Variants in NXPH1 observed in about 807,000 individuals in gnomAD.
NXPH1 encodes the protein neurexophilin 1.
In NXPH1, 5 loss-of-function variants were observed where a neutral mutation model predicts 23.7. The ratio of observed to expected loss-of-function variants is 0.21; its 90% CI spans 0.11 to 0.44. The LOEUF (loss-of-function observed/expected upper bound fraction) is 0.44, where lower values mean the gene tolerates loss of function less well. Among genes scored for constraint, NXPH1 ranks in the 20% least tolerant of loss-of-function variants. The pLI, the probability that NXPH1 is intolerant of heterozygous loss-of-function variation, is 0.99. For missense variants in NXPH1, 324 were observed against 321.6 expected (o/e 1.01, Z -0.06); for synonymous variants, 144 against 122.2 (o/e 1.18, Z -1.18).
intron 2 of NXPH1, among the ~76,000 whole-genome samples, chr7:8,462,368 T>C (rs1475902479): frequency 6.6e-6 from 1 of 152,240 alleles, no homozygotes; most frequent in African/African-American, 2.4e-5. Context: ...TTTATAAATA[T>C]TTTATGTATT....
intron 2 of NXPH1, among the ~76,000 whole-genome samples, chr7:8,469,007 A>C (rs999186577): frequency 7.9e-5 from 12 of 152,190 alleles, no homozygotes; most frequent in African/African-American, 2.9e-4. Flanking sequence ...TTTTTAACTG[A>C]ATGCTCATGT....
At chr7:8,664,210 CT>C in intron 2 of NXPH1, among the ~76,000 whole-genome samples, 1 of 152,182 alleles carries the variant, frequency 6.6e-6, no homozygotes, top group East Asian at 1.9e-4. Flanking sequence ...AGTGCTTTCT[CT>C]TTCATTTTTA....
chr7:8,638,454 T>C (rs1425367072), intron 2 of NXPH1, among the ~76,000 whole-genome samples: 2 of 152,182 alleles, frequency 1.3e-5, no homozygotes, highest in African/African-American at 4.8e-5. Context: ...CATTCAAATA[T>C]ACCAGTAAAC....
intron 2 of NXPH1, among the ~76,000 whole-genome samples, chr7:8,472,009 AAAT>A (rs1261243959): frequency 6.6e-6 from 1 of 151,662 alleles, no homozygotes; most frequent in Admixed American, 6.6e-5. Context: ...TTTAAAATAT[AAAT>A]AATATTATTT....
chr7:8,586,780 T>C (rs1818989511), intron 2 of NXPH1, among the ~76,000 whole-genome samples: 1 of 152,110 alleles, frequency 6.6e-6, no homozygotes, highest in Non-Finnish European at 1.5e-5. Context: ...TTTCTTTGTG[T>C]TGGTTTTCTG....
chr7:8,514,673 T>G (rs190065801), intron 2 of NXPH1, among the ~76,000 whole-genome samples: 55 of 152,246 alleles, frequency 3.6e-4, no homozygotes, highest in Non-Finnish European at 6.6e-4. Context: ...GACTCTTAGC[T>G]TGTGAGATAA....
At chr7:8,668,513 C>A (rs552048280) in intron 2 of NXPH1, among the ~76,000 whole-genome samples, 1 of 152,216 alleles carries the variant, frequency 6.6e-6, no homozygotes, top group African/African-American at 2.4e-5. Context: ...TGGGATTGGG[C>A]CTGAATCCTG....
chr7:8,625,958 A>G (rs974344258), intron 2 of NXPH1, among the ~76,000 whole-genome samples: 1 of 152,174 alleles, frequency 6.6e-6, no homozygotes, highest in African/African-American at 2.4e-5. Context: ...ATGACCTTCA[A>G]TTAGTTATAT....
At chr7:8,723,120 C>T (rs547047993) in intron 2 of NXPH1, among the ~76,000 whole-genome samples, 25 of 152,096 alleles carry the variant, frequency 1.6e-4, no homozygotes, top group Non-Finnish European at 2.9e-4. Flanking sequence ...GTGTTTGCTT[C>T]GCATTTTAAA....
chr7:8,579,285 C>T (rs941424575), intron 2 of NXPH1, among the ~76,000 whole-genome samples: 10 of 152,030 alleles, frequency 6.6e-5, no homozygotes, highest in Non-Finnish European at 8.8e-5. Context: ...ACAAGACTTA[C>T]CTAAAATTAT....
At chr7:8,540,674 G>GTAATT (rs1818101677) in intron 2 of NXPH1, among the ~76,000 whole-genome samples, 1 of 151,680 alleles carries the variant, frequency 6.6e-6, no homozygotes, top group African/African-American at 2.4e-5. Flanking sequence ...TCAATTCAGT[G>GTAATT]GAATAATAAT....
chr7:8,536,364 T>C (rs10237485), intron 2 of NXPH1, among the ~76,000 whole-genome samples: 11,758 of 152,006 alleles, frequency 0.077, 1,168 homozygotes, highest in African/African-American at 0.22. Flanking sequence ...CTTTAGAACA[T>C]TTCTGTTTTT....
chr7:8,698,061 C>G (rs1779563238), intron 2 of NXPH1, among the ~76,000 whole-genome samples: 2 of 152,054 alleles, frequency 1.3e-5, no homozygotes, highest in Non-Finnish European at 2.9e-5. Context: ...TATGAAGAAC[C>G]AACGGGGAAA....
At chr7:8,548,296 T>G (rs1818225898) in intron 2 of NXPH1, among the ~76,000 whole-genome samples, 1 of 151,548 alleles carries the variant, frequency 6.6e-6, no homozygotes, top group Non-Finnish European at 1.5e-5. Flanking sequence ...GTCACTTGGT[T>G]TCCATGTTGG....
intron 2 of NXPH1, among the ~76,000 whole-genome samples, chr7:8,457,112 AT>A (rs1464544135): frequency 6.6e-6 from 1 of 152,182 alleles, no homozygotes; most frequent in Non-Finnish European, 1.5e-5. Flanking sequence ...CCATTTTAAA[AT>A]GGCTTTTAAG....
intron 2 of NXPH1, among the ~76,000 whole-genome samples, chr7:8,613,612 C>G (rs925337666): frequency 6.6e-6 from 1 of 151,912 alleles, no homozygotes; most frequent in African/African-American, 2.4e-5. Flanking sequence ...AAAAAGGGAC[C>G]AGCAACCATT....
chr7:8,599,735 C>G (rs1819311795), intron 2 of NXPH1, among the ~76,000 whole-genome samples: 1 of 151,824 alleles, frequency 6.6e-6, no homozygotes, highest in Non-Finnish European at 1.5e-5. Flanking sequence ...AGCCAGTAAA[C>G]AGCACCATTA....
chr7:8,614,702 A>C (rs1348321715), intron 2 of NXPH1, among the ~76,000 whole-genome samples: 2 of 152,032 alleles, frequency 1.3e-5, no homozygotes, highest in Non-Finnish European at 2.9e-5. Context: ...TTAAATGATA[A>C]AAGTTGCCAT....
chr7:8,604,073 TAAAA>T (rs201582885), intron 2 of NXPH1, among the ~76,000 whole-genome samples: 1 of 149,258 alleles, frequency 6.7e-6, no homozygotes, highest in East Asian at 2.0e-4. Context: ...AGGAAAAAAA[TAAAA>T]AAAAAAGTGG....
Sources: gnomAD v4.1 joint callset for allele counts (sites outside exome capture counted in the v4.1 genomes callset) on GRCh38, gnomAD v4.1.1 for gene constraint, MANE v1.5 for transcripts, NCBI Gene and HGNC (gene_info 2026-07-23, HGNC 2026-07-21) for gene names.